Variants in XKR9 observed in about 807,000 individuals in gnomAD.
XKR9 encodes the protein XK related 9.
Under a neutral mutation model 32.0 loss-of-function variants are expected in XKR9, and 32 were observed. That is an observed-to-expected ratio of 1.00 (90% CI 0.76 to 1.34). The LOEUF (loss-of-function observed/expected upper bound fraction) is 1.34. XKR9 is among the 40% of genes most tolerant of loss of function. The probability of loss-of-function intolerance (pLI) is 0.00; values close to 1 mark genes in which losing one functional copy is unlikely to be tolerated. For synonymous variants in XKR9, 168 were observed against 143.4 expected, an observed-to-expected ratio of 1.17 and a Z score of -1.22; for missense variants, 546 against 429.7, an observed-to-expected ratio of 1.27 and a Z score of -2.39.
chr8:70,812,697 T>C, the XKR9 span, among the ~76,000 whole-genome samples: 2 of 152,138 alleles, frequency 1.3e-5, no homozygotes, highest in Non-Finnish European at 2.9e-5. Flanking sequence ...TCACAATTGC[T>C]TCAAAGAGAA....
intron 2 of XKR9, among the ~76,000 whole-genome samples, chr8:70,677,136 T>TA (rs996255436): frequency 2.8e-5 from 4 of 144,482 alleles, no homozygotes; most frequent in African/African-American, 7.4e-5. Flanking sequence ...TAAAAAAAAA[T>TA]AAAAAAAATC....
intron 4 of XKR9, among the ~76,000 whole-genome samples, chr8:70,723,312 C>G (rs1275414899): frequency 1.3e-5 from 2 of 152,132 alleles, no homozygotes; most frequent in South Asian, 4.1e-4. Flanking sequence ...ATTCGTCAAA[C>G]TCATTCTCAT....
chr8:70,955,278 C>G, the XKR9 span, among the ~76,000 whole-genome samples: 1 of 152,134 alleles, frequency 6.6e-6, no homozygotes, highest in African/African-American at 2.4e-5. Flanking sequence ...TGCTTGTTCT[C>G]TGGTGTGGAA....
At chr8:70,849,974 T>C in the XKR9 span, among the ~76,000 whole-genome samples, 1 of 122,110 alleles carries the variant, frequency 8.2e-6, no homozygotes, top group Middle Eastern at 4.4e-3. Context: ...AAGCAGTAAT[T>C]AATAGCCTGC....
chr8:71,016,597 A>G, the XKR9 span, among the ~76,000 whole-genome samples: 1 of 152,206 alleles, frequency 6.6e-6, no homozygotes, highest in Non-Finnish European at 1.5e-5. Context: ...GAGATTTGTA[A>G]GCCCAATGTG....
chr8:71,036,381 A>C, the XKR9 span, among the ~76,000 whole-genome samples: 3 of 152,188 alleles, frequency 2.0e-5, no homozygotes, highest in African/African-American at 4.8e-5. Flanking sequence ...TGAAGAAAAA[A>C]TTAAGTTGTT....
the XKR9 span, among the ~76,000 whole-genome samples, chr8:70,922,077 A>G: frequency 6.6e-6 from 1 of 152,190 alleles, no homozygotes; most frequent in Non-Finnish European, 1.5e-5. Context: ...AGCAATGAGT[A>G]AAGATGTCAT....
chr8:70,875,906 A>G, the XKR9 span, among the ~76,000 whole-genome samples: 121 of 152,180 alleles, frequency 8.0e-4, no homozygotes, highest in Non-Finnish European at 1.4e-3. Flanking sequence ...ACTGAGCTAG[A>G]TTCCTAATAT....
intron 3 of XKR9, among the ~76,000 whole-genome samples, chr8:70,689,862 A>G (rs965194295): frequency 6.6e-6 from 1 of 152,174 alleles, no homozygotes; most frequent in Non-Finnish European, 1.5e-5. Flanking sequence ...AAGAAACTCT[A>G]TATGGGTACA....
the XKR9 span, among the ~76,000 whole-genome samples, chr8:70,896,968 T>C: frequency 6.6e-6 from 1 of 152,106 alleles, no homozygotes; most frequent in African/African-American, 2.4e-5. Context: ...AAATACTAAA[T>C]CTTATTCATT....
chr8:70,891,397 A>G, the XKR9 span, among the ~76,000 whole-genome samples: 2 of 151,890 alleles, frequency 1.3e-5, no homozygotes. Context: ...CTTATTTAAA[A>G]TATTTCTACT....
At chr8:70,906,850 T>G in the XKR9 span, among the ~76,000 whole-genome samples, 2 of 152,174 alleles carry the variant, frequency 1.3e-5, no homozygotes, top group African/African-American at 4.8e-5. Context: ...TAGATTTATC[T>G]GTATATAATA....
the XKR9 span, among the ~76,000 whole-genome samples, chr8:70,875,445 G>A: frequency 6.6e-6 from 1 of 152,134 alleles, no homozygotes; most frequent in African/African-American, 2.4e-5. Context: ...TCTTCACAAG[G>A]AACTTCTAAT....
chr8:70,900,449 C>A, the XKR9 span, among the ~76,000 whole-genome samples: 1 of 151,922 alleles, frequency 6.6e-6, no homozygotes, highest in Non-Finnish European at 1.5e-5. Context: ...ATTAGCCAGG[C>A]ATGGTGGTGG....
the XKR9 span, among the ~76,000 whole-genome samples, chr8:70,816,869 A>C: frequency 6.6e-6 from 1 of 152,286 alleles, no homozygotes; most frequent in South Asian, 2.1e-4. Context: ...TAAAAACAAC[A>C]ACCATATGAT....
At chr8:70,746,712 C>T (rs1031326310) in intron 2 of XKR9, among the ~76,000 whole-genome samples, 8 of 151,618 alleles carry the variant, frequency 5.3e-5, no homozygotes, top group African/African-American at 1.9e-4. Flanking sequence ...GAATGTCTGT[C>T]TTCCCCAAAA....
chr8:70,920,025 G>A, the XKR9 span, among the ~76,000 whole-genome samples: 1 of 152,252 alleles, frequency 6.6e-6, no homozygotes, highest in East Asian at 1.9e-4. Context: ...GGACGGTCTT[G>A]ACGTAGTTAC....
the XKR9 span, among the ~76,000 whole-genome samples, chr8:70,897,930 A>T: frequency 6.6e-6 from 1 of 152,198 alleles, no homozygotes; most frequent in Non-Finnish European, 1.5e-5. Flanking sequence ...TTACTCAAGA[A>T]ATGTAATTAC....
chr8:70,979,979 C>T, the XKR9 span, among the ~76,000 whole-genome samples: 1 of 152,238 alleles, frequency 6.6e-6, no homozygotes, highest in Non-Finnish European at 1.5e-5. Context: ...GATGCCCCTC[C>T]CCCAGCCAGG....
Sources: allele counts gnomAD v4.1 joint callset (sites outside exome capture counted in the v4.1 genomes callset), GRCh38; gene constraint gnomAD v4.1.1; transcripts MANE v1.5; gene names NCBI Gene and HGNC (gene_info 2026-07-23, HGNC 2026-07-21).